DENND1A: variants seen among roughly 807,000 people sequenced by gnomAD.
DENND1A encodes the protein DENN domain containing 1A, also known as DENN domain-containing protein 1A.
In DENND1A, 51 loss-of-function variants were observed where a neutral mutation model predicts 113.7. The observed-to-expected ratio is 0.45, with a 90% CI of 0.36 to 0.57. The LOEUF is 0.57. Ranked by LOEUF, DENND1A falls within the 20% of genes least tolerant of loss-of-function variation. DENND1A has a pLI of 0.00. For missense variants in DENND1A, 1,258 were observed against 1,395.9 expected, an observed-to-expected ratio of 0.90 and a Z score of 1.57; for synonymous variants, 565 against 570.8, an observed-to-expected ratio of 0.99 and a Z score of 0.14.
intron 13 of DENND1A, among the ~76,000 whole-genome samples, chr9:123,552,829 G>C (rs755886521): frequency 6.6e-6 from 1 of 152,244 alleles, no homozygotes; most frequent in Non-Finnish European, 1.5e-5. Context: ...GGCCTTAAAT[G>C]GACTCACATC....
At chr9:123,708,320 T>C (rs756854255) in intron 5 of DENND1A, among the ~76,000 whole-genome samples, 1 of 152,168 alleles carries the variant, frequency 6.6e-6, no homozygotes, top group Non-Finnish European at 1.5e-5. Flanking sequence ...GTAATAATTA[T>C]GTATAAGAGT....
At chr9:123,478,024 C>T (rs543229044) in intron 13 of DENND1A, among the ~76,000 whole-genome samples, 16 of 152,184 alleles carry the variant, frequency 1.1e-4, no homozygotes, top group Non-Finnish European at 2.4e-4. Context: ...AAATACCAGT[C>T]CTAGGCAAGG....
intron 5 of DENND1A, among the ~76,000 whole-genome samples, chr9:123,742,264 T>C (rs1370217867): frequency 2.6e-5 from 4 of 151,272 alleles, no homozygotes; most frequent in Admixed American, 6.6e-5. Flanking sequence ...TATGCTTAGA[T>C]TGGAGCTGGC....
chr9:123,826,032 A>G (rs1839276323), intron 2 of DENND1A, among the ~76,000 whole-genome samples: 1 of 152,210 alleles, frequency 6.6e-6, no homozygotes, highest in Non-Finnish European at 1.5e-5. Context: ...CTGACCCTAG[A>G]GCAGAGCTAT....
At chr9:123,582,821 C>A (rs2058981494) in intron 12 of DENND1A, among the ~76,000 whole-genome samples, 1 of 152,166 alleles carries the variant, frequency 6.6e-6, no homozygotes. Flanking sequence ...TGCCTCAGCT[C>A]CCGAGTAGCT....
chr9:123,780,882 G>A (rs1051724370), intron 3 of DENND1A, among the ~76,000 whole-genome samples: 1 of 152,142 alleles, frequency 6.6e-6, no homozygotes, highest in East Asian at 1.9e-4. Context: ...GGTCTTGCTA[G>A]AAGTGTTACA....
chr9:123,845,670 C>CAAAAAA lies in DENND1A; in HGVS notation c.88+33275_88+33280dup, dbSNP rs555731367. Reference sequence around the variant, plus strand: ...GGGTGACCAAGTGAGAACCTGTCTCCAAAAAAAAAAAAAAAAAAAAAAAAA... The same window carrying CAAAAAA: ...GGGTGACCAAGTGAGAACCTGTCTCCAAAAAAAAAAAAAAAAAAAAAAAAAAAAAAA... On this transcript the variant is annotated intron_variant, in intron 2 of 23. Coordinates refer to ENST00000394215, the MANE Select transcript of DENND1A (RefSeq NM_001352964.2). Among the ~76,000 whole-genome samples, 44 of 44,088 alleles carry CAAAAAA rather than the reference C, an allele frequency of 1.0e-3. 1 individual carries two copies. Among genetic ancestry groups the CAAAAAA allele is most frequent in the African/African-American group, 2.2e-3 (28 of 12,918 alleles). The allele number at this position is 44,088 out of a possible 152,430, so 28.9% of individuals were successfully genotyped here.
At chr9:123,515,052 T>C (rs555485060) in intron 13 of DENND1A, among the ~76,000 whole-genome samples, 1 of 152,318 alleles carries the variant, frequency 6.6e-6, no homozygotes, top group South Asian at 2.1e-4. Context: ...TCTTCAAAAA[T>C]GTAAATGCCT....
At chr9:123,529,035 A>G (rs914592700) in intron 13 of DENND1A, among the ~76,000 whole-genome samples, 2 of 152,206 alleles carry the variant, frequency 1.3e-5, no homozygotes, top group South Asian at 2.1e-4. Flanking sequence ...CTTTCATTAT[A>G]GTCTTCATCA....
At chr9:123,552,570 C>G (rs377099547) in intron 13 of DENND1A, among the ~76,000 whole-genome samples, 184 of 152,370 alleles carry the variant, frequency 1.2e-3, no homozygotes, top group African/African-American at 4.2e-3. Context: ...CCCCAGGACC[C>G]TGCATGGTGG....
Position 123,400,024 on chromosome 9 carries a change from C to T in DENND1A, c.1631+3378G>A, listed in dbSNP as rs1228138577. On this transcript the variant is annotated intron_variant, in intron 21 of 23. Transcript: ENST00000394215. ...GCCTCTCATGCAGGATCCCTCCTAC[C>T]CCGATCCCTGCCCCACGGAAGCCCC... 5 of 152,294 alleles carry T rather than the reference C, an allele frequency of 3.3e-5. No homozygotes were observed. In the East Asian group the frequency reaches 7.7e-4, roughly 23 times the overall value. 9.4% of individuals were successfully genotyped at this position (152,294 alleles called of 1,614,324 possible). A position where few individuals can be genotyped will look rare whatever the true frequency, so the allele number is the denominator to read the frequency against.
intron 13 of DENND1A, among the ~76,000 whole-genome samples, chr9:123,487,075 C>CT (rs1264500271): frequency 1.3e-5 from 2 of 152,160 alleles, no homozygotes; most frequent in African/African-American, 4.8e-5. Context: ...TAGAGGCCCC[C>CT]ATATTTCTAT....
intron 2 of DENND1A, among the ~76,000 whole-genome samples, chr9:123,837,812 C>T (rs570279561): frequency 2.6e-5 from 4 of 152,294 alleles, no homozygotes; most frequent in Non-Finnish European, 4.4e-5. Context: ...GCTAATCCAA[C>T]CTGATGGCAT....
chr9:123,581,025 T>G (rs1415126694), intron 12 of DENND1A, among the ~76,000 whole-genome samples: 1 of 151,878 alleles, frequency 6.6e-6, no homozygotes, highest in Non-Finnish European at 1.5e-5. Flanking sequence ...GCTACAACAC[T>G]AACTGTCATT....
intron 7 of DENND1A, among the ~76,000 whole-genome samples, chr9:123,670,751 G>A (rs922686313): frequency 6.6e-5 from 10 of 152,242 alleles, no homozygotes; most frequent in African/African-American, 2.4e-4. Context: ...GTACCACAAA[G>A]TGTGCAAGAT....
chr9:123,535,313 G>T (rs1271505677), intron 13 of DENND1A, among the ~76,000 whole-genome samples: 1 of 152,190 alleles, frequency 6.6e-6, no homozygotes, highest in Non-Finnish European at 1.5e-5. Context: ...GGGCATGGTG[G>T]TGTGCATCTG....
At chr9:123,761,255 A>G (rs953804145) in intron 4 of DENND1A, among the ~76,000 whole-genome samples, 3 of 152,216 alleles carry the variant, frequency 2.0e-5, no homozygotes, top group African/African-American at 7.2e-5. Context: ...AAAACCTTTA[A>G]GCACCTGAGT....
chr9:123,742,910 T>C (rs917502438), intron 5 of DENND1A, among the ~76,000 whole-genome samples: 1 of 152,142 alleles, frequency 6.6e-6, no homozygotes, highest in African/African-American at 2.4e-5. Flanking sequence ...TCCTTTAACA[T>C]CTCTGAAATC....
chr9:123,661,478 T>C (rs895261984), intron 8 of DENND1A, among the ~76,000 whole-genome samples: 3 of 152,180 alleles, frequency 2.0e-5, no homozygotes, highest in African/African-American at 7.2e-5. Context: ...TAATAAAGCA[T>C]ACACTACCTA....
Sources: allele counts gnomAD v4.1 joint callset (sites outside exome capture counted in the v4.1 genomes callset), GRCh38; gene constraint gnomAD v4.1.1; transcripts MANE v1.5; gene names NCBI Gene and HGNC (gene_info 2026-07-23, HGNC 2026-07-21).